Variants in CEP152 observed in about 807,000 individuals in gnomAD.
The protein encoded by CEP152 is centrosomal protein 152.
In CEP152, 132 loss-of-function variants were observed where a neutral mutation model predicts 188.9. The observed-to-expected ratio is 0.70, with a 90% CI of 0.61 to 0.81. The LOEUF (loss-of-function observed/expected upper bound fraction) is 0.81, where lower values mean the gene tolerates loss of function less well. CEP152 is among the 30% of genes least tolerant of loss of function. The probability of loss-of-function intolerance (pLI) is 0.00; values close to 1 mark genes in which losing one functional copy is unlikely to be tolerated. For missense variants in CEP152, 1,914 were observed against 1,969.8 expected, an observed-to-expected ratio of 0.97 and a Z score of 0.54; for synonymous variants, 649 against 666.6, an observed-to-expected ratio of 0.97 and a Z score of 0.41.
intron 12 of CEP152, among the ~76,000 whole-genome samples, chr15:48,779,467 GAT>G (rs1896115944): frequency 6.6e-6 from 1 of 152,190 alleles, no homozygotes; most frequent in Non-Finnish European, 1.5e-5. Flanking sequence ...TCTGATCAGT[GAT>G]ATGTTTTAAT....
At chr15:48,793,555 T>C (rs905042020) in intron 6 of CEP152, 94 bp from the exon 7 acceptor site, 3 of 1,045,280 alleles carry the variant, frequency 2.9e-6, no homozygotes, top group Non-Finnish European at 4.3e-6. Context: ...GACTACAACC[T>C]TTTAGAGCAT....
intron 21 of CEP152, among the ~76,000 whole-genome samples, chr15:48,751,400 C>G (rs994415478): frequency 6.6e-6 from 1 of 152,096 alleles, no homozygotes; most frequent in Non-Finnish European, 1.5e-5. Flanking sequence ...ATATTATCAT[C>G]CACTGAATTG....
chr15:48,761,428 C>T (rs573854081), intron 18 of CEP152, among the ~76,000 whole-genome samples: 14 of 152,236 alleles, frequency 9.2e-5, no homozygotes, highest in Admixed American at 1.3e-4. Context: ...AACTACATAA[C>T]GGATGTATCA....
At chr15:48,770,545 A>G (rs1397356546) in intron 13 of CEP152, among the ~76,000 whole-genome samples, 1 of 152,236 alleles carries the variant, frequency 6.6e-6, no homozygotes. Context: ...TATCTGAGCT[A>G]AGGTTCAGAC....
chr15:48,793,842 C>A (rs1044991584), intron 6 of CEP152, among the ~76,000 whole-genome samples: 2 of 152,120 alleles, frequency 1.3e-5, no homozygotes, highest in African/African-American at 4.8e-5. Context: ...TATATAACAA[C>A]TGCAATGAAA....
At chr15:48,787,359 C>G (rs948850392) in intron 9 of CEP152, among the ~76,000 whole-genome samples, 2 of 151,684 alleles carry the variant, frequency 1.3e-5, no homozygotes, top group Non-Finnish European at 2.9e-5. Flanking sequence ...TTCGTAAAGA[C>G]AAGGATTCAC....
chr15:48,758,614 G>A (rs934893677), intron 19 of CEP152, among the ~76,000 whole-genome samples: 1 of 150,592 alleles, frequency 6.6e-6, no homozygotes, highest in Non-Finnish European at 1.5e-5. Flanking sequence ...AGCTACTTGG[G>A]AGGCAGAGGC....
chr15:48,752,422 G>A lies in CEP152; in HGVS notation c.3393C>T (p.Gly1131=), dbSNP rs753232702. Reference sequence around the variant, plus strand: ...CAGCAGCAGGTCCAGGGTCTCCTTGGCCAGTGCCCTGGCTGGCAGAATCCT... The same window carrying A: ...CAGCAGCAGGTCCAGGGTCTCCTTGACCAGTGCCCTGGCTGGCAGAATCCT... ...LSKDSASQGT[G]QGDPGPAAGH... Residue 1131 remains glycine (G), a synonymous_variant, in exon 21 of 27, where the codon GGC becomes GGT. Coordinates refer to ENST00000380950, the MANE Select transcript of CEP152 (RefSeq NM_001194998.2). 2 of 1,613,836 alleles carry A rather than the reference G, an allele frequency of 1.2e-6. No individual in the cohort carries two copies. The highest frequency in any genetic ancestry group is 2.2e-5 in the East Asian group (1 of 44,888).
chr15:48,792,971 GCC>G (rs1173300804), intron 7 of CEP152, among the ~76,000 whole-genome samples: 1 of 152,040 alleles, frequency 6.6e-6, no homozygotes, highest in African/African-American at 2.4e-5. Flanking sequence ...ACAGGTGCCT[GCC>G]ACTATGCCCC....
intron 21 of CEP152, among the ~76,000 whole-genome samples, chr15:48,750,647 C>T (rs77385129): frequency 0.036 from 5,458 of 152,064 alleles, 126 homozygotes; most frequent in African/African-American, 0.047. Flanking sequence ...CACTGAAATA[C>T]TATGTAGCAA....
intron 2 of CEP152, 188 bp downstream of exon 2, chr15:48,805,375 C>A: frequency 1.5e-6 from 1 of 689,408 alleles, no homozygotes; most frequent in Non-Finnish European, 2.3e-6. Context: ...ATTCCTGTCT[C>A]AAAAACAGAA....
chr15:48,785,158 A>G (rs1471301436), intron 9 of CEP152, among the ~76,000 whole-genome samples: 1 of 152,234 alleles, frequency 6.6e-6, no homozygotes, highest in Admixed American at 6.5e-5. Flanking sequence ...CTAAAGCCCA[A>G]TAATACCTTA....
At chr15:48,774,238 C>T (rs1895740657) in intron 12 of CEP152, among the ~76,000 whole-genome samples, 1 of 152,020 alleles carries the variant, frequency 6.6e-6, no homozygotes, top group African/African-American at 2.4e-5. Context: ...ATACACAGAA[C>T]ATATTACATT....
chr15:48,756,169 A>G lies in CEP152; in HGVS notation c.3079T>C (p.Trp1027Arg), dbSNP rs2140668268. The change falls in exon 20 of 27, where the codon TGG (tryptophan) becomes CGG (arginine). Residue 1027 changes from tryptophan to arginine, a missense_variant. Transcript: ENST00000380950. ...QTCLDQSRREWTMQEAKRIQL... is the reference protein window; with the variant it reads ...QTCLDQSRRERTMQEAKRIQL... ...ATCCGCTTGGCTTCCTGCATAGTCCATTCTCTACGACTCTGGTCTAGACAA... is the reference window on the plus strand; with the variant it reads ...ATCCGCTTGGCTTCCTGCATAGTCCGTTCTCTACGACTCTGGTCTAGACAA... 1 of 1,614,078 alleles carries G rather than the reference A, an allele frequency of 6.2e-7. No homozygotes were observed. Among genetic ancestry groups the G allele is most frequent in the Middle Eastern group, 1.6e-4 (1 of 6,062 alleles).
chr15:48,772,422 A>T, intron 13 of CEP152, 65 bp downstream of exon 13: 1 of 1,371,904 alleles, frequency 7.3e-7, no homozygotes, highest in Non-Finnish European at 1.0e-6. Flanking sequence ...AAAAAAAAAA[A>T]GTGTAAAAGT....
At chr15:48,745,040 G>A (rs368488424) in intron 22 of CEP152, 48 bp from the exon 23 acceptor site, 2 of 1,370,124 alleles carry the variant, frequency 1.5e-6, no homozygotes, top group African/African-American at 3.0e-5. Context: ...AATTTTTTAA[G>A]CCTTCTTTTC....
downstream of CEP152, among the ~76,000 whole-genome samples, chr15:48,733,868 G>A (rs1460270118): frequency 1.3e-5 from 2 of 152,072 alleles, no homozygotes; most frequent in East Asian, 1.9e-4. Context: ...TCAAAATGCT[G>A]GAGGAAAAAA....
Position 48,741,225 on chromosome 15 carries a change from G to A in CEP152, c.4093+376C>T, listed in dbSNP as rs1892952211. Reference sequence around the variant, plus strand: ...GCTTACTGCAACCTCAAATTCCTGGGATCAAGGGATCCTCCCACCTCAGCC... The same window carrying A: ...GCTTACTGCAACCTCAAATTCCTGGAATCAAGGGATCCTCCCACCTCAGCC... On this transcript the variant is annotated intron_variant, in intron 26 of 26. Coordinates refer to ENST00000380950, the MANE Select transcript of CEP152 (RefSeq NM_001194998.2). 6 of 1,102,948 alleles carry A rather than the reference G, an allele frequency of 5.4e-6. No individual in the cohort carries two copies. In the South Asian group the frequency reaches 6.9e-5, roughly 13 times the overall value. 68.3% of individuals were successfully genotyped at this position (1,102,948 alleles called of 1,614,324 possible). A position where few individuals can be genotyped will look rare whatever the true frequency, so the allele number is the denominator to read the frequency against.
At chr15:48,749,817 C>A (rs1490447255) in intron 21 of CEP152, among the ~76,000 whole-genome samples, 4 of 151,560 alleles carry the variant, frequency 2.6e-5, no homozygotes, top group African/African-American at 9.7e-5. Flanking sequence ...TGACCCTAGA[C>A]AAACGTCTGT....
Sources: allele counts gnomAD v4.1 joint callset (sites outside exome capture counted in the v4.1 genomes callset), GRCh38; gene constraint gnomAD v4.1.1; transcripts MANE v1.5; gene names NCBI Gene and HGNC (gene_info 2026-07-23, HGNC 2026-07-21).